The following ZNF730 variants were observed in gnomAD, a reference collection of about 807,000 sequenced individuals.
ZNF730 encodes putative zinc finger protein 730.
Under a neutral mutation model 12.6 loss-of-function variants are expected in ZNF730, and 12 were observed. The observed-to-expected ratio is 0.95, with a 90% confidence interval of 0.61 to 1.54. The LOEUF (loss-of-function observed/expected upper bound fraction) is 1.54. Ranked by LOEUF, ZNF730 falls within the 40% of genes most tolerant of loss-of-function variation. ZNF730 has a pLI of 0.00. For synonymous variants in ZNF730, 194 were observed against 195.8 expected, an observed-to-expected ratio of 0.99 and a Z score of 0.08; for missense variants, 643 against 583.5, an observed-to-expected ratio of 1.10 and a Z score of -1.05.
In ZNF730 at chr19:23,135,954, C is replaced by T. The variant is rs1192209902; in HGVS notation, c.137C>T (p.Ala46Val). 2 of 1,608,808 alleles carry T rather than the reference C, an allele frequency of 1.2e-6. No individual in the cohort carries two copies. Among genetic ancestry groups the T allele is most frequent in the Non-Finnish European group, 1.7e-6 (2 of 1,177,440 alleles). ...GTTATTTTTCATAAAACAGGTATTG[C>T]TGTCTCAAAGCCAGACCTGATCACC... is the stretch of plus-strand genomic sequence containing the variant. Reference protein sequence around the residue: ...NYRNLVFLGIAVSKPDLITCL... With the variant: ...NYRNLVFLGIVVSKPDLITCL... Residue 46 changes from alanine to valine, a missense_variant, in exon 3 of 4, where the codon GCT (alanine) becomes GTT (valine). Transcript: ENST00000597761.
chr19:23,109,075 TCTAA>T (rs898397697), intron 1 of ZNF730, among the ~76,000 whole-genome samples: 2 of 150,600 alleles, frequency 1.3e-5, no homozygotes, highest in African/African-American at 4.8e-5. Flanking sequence ...TTTTTTGACC[TCTAA>T]CTTTTGGATG....
intron 1 of ZNF730, among the ~76,000 whole-genome samples, chr19:23,093,205 A>G (rs1160885294): frequency 3.3e-5 from 5 of 152,146 alleles, no homozygotes. Flanking sequence ...CGAACTCCTG[A>G]TCTCAGGTGA....
In ZNF730 at chr19:23,146,835, A is replaced by G. The variant is rs1440050330; in HGVS notation, c.*279A>G. On this transcript the variant is annotated 3_prime_UTR_variant, in exon 4 of 4. Transcript: ENST00000597761. ...GTGTGAAGAATGTGACAAAGCCTTT[A>G]ACAAATCCTTAATTCTTAACAGACA... 1.2e-6 allele frequency: 1 copy of G among 817,088 alleles called. No individual in the cohort carries two copies. Among genetic ancestry groups the G allele is most frequent in the Non-Finnish European group, 2.1e-6 (1 of 476,544 alleles). The allele number at this position is 817,088 out of a possible 1,614,324, so 50.6% of individuals were successfully genotyped here. A position where few individuals can be genotyped will look rare whatever the true frequency, so the allele number is the denominator to read the frequency against.
upstream of ZNF730, among the ~76,000 whole-genome samples, chr19:23,112,745 A>G (rs1038675025): frequency 6.6e-6 from 1 of 152,138 alleles, no homozygotes; most frequent in Admixed American, 6.5e-5. Flanking sequence ...GAAAAAAAAA[A>G]AAAAACTGGA....
intron 1 of ZNF730, among the ~76,000 whole-genome samples, chr19:23,104,352 C>A (rs922042060): frequency 6.7e-6 from 1 of 148,668 alleles, no homozygotes. Context: ...CTAAAATGTT[C>A]ACAAATATCA....
intron 1 of ZNF730, chr19:23,098,253 C>G (rs146706097): frequency 6.6e-6 from 1 of 152,056 alleles, no homozygotes; most frequent in Non-Finnish European, 1.5e-5. Context: ...TGACATAGCA[C>G]TGCATTCAAC....
chr19:23,082,388 C>T (rs1179942623), intron 1 of ZNF730, among the ~76,000 whole-genome samples: 1 of 151,672 alleles, frequency 6.6e-6, no homozygotes, highest in African/African-American at 2.4e-5. Flanking sequence ...GCTCTGTTGC[C>T]CAGGCTGGAG....
At position 23,130,008 on chromosome 19, in the gene ZNF730, A is replaced by G. The variant is rs932713719; in HGVS notation, c.4-4072A>G. Reference sequence around the variant, plus strand: ...GACTCCGCCTCAAAAAAAAAAAAAAAAAGACTTTGGGGGACTGTTGGGAAG... The same window carrying G: ...GACTCCGCCTCAAAAAAAAAAAAAAGAAGACTTTGGGGGACTGTTGGGAAG... On this transcript the variant is annotated intron_variant, in intron 1 of 3. Coordinates refer to ENST00000597761, the MANE Select transcript of ZNF730 (RefSeq NM_001277403.2). 7.3e-5 allele frequency among the ~76,000 whole-genome samples: 11 copies of G among 151,440 alleles called. No individual in the cohort carries two copies. The East Asian group carries it at 1.6e-3, about 21-fold the overall frequency.
At chr19:23,135,013 A>G (rs1352411098) in intron 2 of ZNF730, among the ~76,000 whole-genome samples, 3 of 111,480 alleles carry the variant, frequency 2.7e-5, no homozygotes, top group East Asian at 4.7e-4. Flanking sequence ...TGTTAAACAG[A>G]TGCTTGAAGG....
At chr19:23,118,911 A>G (rs1210632401) in intron 1 of ZNF730, among the ~76,000 whole-genome samples, 1 of 152,218 alleles carries the variant, frequency 6.6e-6, no homozygotes, top group Admixed American at 6.5e-5. Context: ...GTGACAGTGA[A>G]TATCTCTGTT....
intron 1 of ZNF730, among the ~76,000 whole-genome samples, chr19:23,075,621 G>T (rs1003586561): frequency 2.0e-5 from 3 of 152,196 alleles, no homozygotes; most frequent in Non-Finnish European, 2.9e-5. Flanking sequence ...CTCTGCGCCC[G>T]CAGCCCCGAG....
chr19:23,126,468 T>G, intron 1 of ZNF730: 1 of 325,678 alleles, frequency 3.1e-6, no homozygotes, highest in South Asian at 3.2e-5. Context: ...TCAGCTGTTT[T>G]TTATTTGTTT....
intron 1 of ZNF730, among the ~76,000 whole-genome samples, chr19:23,082,680 G>A (rs1195121225): frequency 6.6e-6 from 1 of 151,742 alleles, no homozygotes; most frequent in Non-Finnish European, 1.5e-5. Context: ...GTATTGTATT[G>A]TGTATGTATA....
chr19:23,090,536 A>G (rs1311889360), intron 1 of ZNF730, among the ~76,000 whole-genome samples: 2 of 152,298 alleles, frequency 1.3e-5, no homozygotes, highest in South Asian at 2.1e-4. Flanking sequence ...GATGCAATAG[A>G]AAAGAAAACC....
intron 2 of ZNF730, among the ~76,000 whole-genome samples, chr19:23,134,669 C>T (rs1192181295): frequency 2.1e-4 from 31 of 145,034 alleles, no homozygotes; most frequent in Non-Finnish European, 4.0e-4. Context: ...GCCCGGCCGC[C>T]CCTACTGGGA....
At chr19:23,096,313 TC>T (rs1170570215) in intron 1 of ZNF730, among the ~76,000 whole-genome samples, 1 of 152,134 alleles carries the variant, frequency 6.6e-6, no homozygotes, top group Non-Finnish European at 1.5e-5. Flanking sequence ...GTGAGGTGAC[TC>T]CTCTCCAGCC....
At chr19:23,122,485 GAT>G (rs1255981704) in intron 1 of ZNF730, among the ~76,000 whole-genome samples, 2 of 152,074 alleles carry the variant, frequency 1.3e-5, no homozygotes, top group Non-Finnish European at 2.9e-5. Flanking sequence ...TGAGCACAAA[GAT>G]AAGATTAAAT....
intron 1 of ZNF730, among the ~76,000 whole-genome samples, chr19:23,126,212 G>C (rs1970664922): frequency 6.6e-6 from 1 of 152,072 alleles, no homozygotes; most frequent in Non-Finnish European, 1.5e-5. Context: ...ATTCTGAAAA[G>C]GTTAAACTTC....
At chr19:23,139,342 T>C (rs1274420100) in intron 3 of ZNF730, among the ~76,000 whole-genome samples, 1 of 152,162 alleles carries the variant, frequency 6.6e-6, no homozygotes, top group East Asian at 1.9e-4. Flanking sequence ...TTAAAAATTA[T>C]TTTTAGTTTC....
Sources: gnomAD v4.1 joint callset for allele counts (sites outside exome capture counted in the v4.1 genomes callset) on GRCh38, gnomAD v4.1.1 for gene constraint, MANE v1.5 for transcripts, NCBI Gene and HGNC (gene_info 2026-07-23, HGNC 2026-07-21) for gene names.